Variants in ZBTB46 observed in about 807,000 individuals in gnomAD.
ZBTB46 encodes the protein zinc finger and BTB domain-containing protein 46.
Under a neutral mutation model 44.1 loss-of-function variants are expected in ZBTB46, and 8 were observed. The observed-to-expected ratio is 0.18, with a 90% CI of 0.11 to 0.33. The LOEUF (loss-of-function observed/expected upper bound fraction) is 0.33. Among genes scored for constraint, ZBTB46 ranks in the 10% least tolerant of loss-of-function variants. ZBTB46 has a pLI of 1.00. For missense variants in ZBTB46, 651 were observed against 847.7 expected, an observed-to-expected ratio of 0.77 and a Z score of 2.88; for synonymous variants, 409 against 382.3, an observed-to-expected ratio of 1.07 and a Z score of -0.81.
chr20:63,776,803 C>CAAAA (rs35399406), intron 2 of ZBTB46, among the ~76,000 whole-genome samples: 1 of 131,866 alleles, frequency 7.6e-6, no homozygotes. Context: ...CGCTCTGTCT[C>CAAAA]AAAAAAAAAA....
intron 1 of ZBTB46, among the ~76,000 whole-genome samples, chr20:63,828,375 A>G (rs1430988330): frequency 1.3e-5 from 2 of 152,262 alleles, no homozygotes; most frequent in African/African-American, 4.8e-5. Flanking sequence ...AGCCCTGAAT[A>G]AGTCTGTGGC....
At chr20:63,810,002 T>C (rs572570002) in intron 1 of ZBTB46, among the ~76,000 whole-genome samples, 1 of 151,236 alleles carries the variant, frequency 6.6e-6, no homozygotes, top group East Asian at 1.9e-4. Context: ...TACATGGAAC[T>C]GGCAAACATT....
intron 1 of ZBTB46, among the ~76,000 whole-genome samples, chr20:63,825,364 G>C (rs1334538770): frequency 1.4e-5 from 2 of 142,316 alleles, no homozygotes; most frequent in Middle Eastern, 3.9e-3. Flanking sequence ...TCTCGTCACT[G>C]CACTCCAGCC....
intron 3 of ZBTB46, among the ~76,000 whole-genome samples, chr20:63,772,111 C>T (rs2092380203): frequency 6.6e-6 from 1 of 151,702 alleles, no homozygotes; most frequent in Admixed American, 6.6e-5. Context: ...TCTCCTGCCT[C>T]AGTCTCCCAA....
chr20:63,774,995 G>A (rs1428250438), intron 3 of ZBTB46, among the ~76,000 whole-genome samples: 2 of 152,126 alleles, frequency 1.3e-5, no homozygotes, highest in African/African-American at 2.4e-5. Context: ...GAGCCACCGC[G>A]CCCGGCCCCT....
intron 1 of ZBTB46, chr20:63,791,042 G>T: frequency 2.4e-6 from 1 of 417,990 alleles, no homozygotes; most frequent in Non-Finnish European, 4.3e-6. Flanking sequence ...AGGCTAATGG[G>T]GTTCTGAACA....
chr20:63,798,350 G>A (rs1206587188), intron 1 of ZBTB46, among the ~76,000 whole-genome samples: 1 of 151,904 alleles, frequency 6.6e-6, no homozygotes, highest in Non-Finnish European at 1.5e-5. Context: ...TGTTCTATTG[G>A]AAACCCGGTC....
intron 1 of ZBTB46, among the ~76,000 whole-genome samples, chr20:63,793,088 G>A (rs944238852): frequency 1.3e-5 from 2 of 152,198 alleles, no homozygotes; most frequent in African/African-American, 4.8e-5. Context: ...TACAGGAAGG[G>A]CCTCAAGCCC....
intron 1 of ZBTB46, among the ~76,000 whole-genome samples, chr20:63,799,784 G>C (rs2092629911): frequency 6.6e-6 from 1 of 152,172 alleles, no homozygotes; most frequent in African/African-American, 2.4e-5. Flanking sequence ...GCTCCCCCAT[G>C]AGAGTGGCCA....
chr20:63,827,711 T>C (rs1228418379), intron 1 of ZBTB46, among the ~76,000 whole-genome samples: 1 of 152,068 alleles, frequency 6.6e-6, no homozygotes, highest in Non-Finnish European at 1.5e-5. Context: ...AAAATAGCTA[T>C]GGTAGCAAAT....
intron 3 of ZBTB46, among the ~76,000 whole-genome samples, chr20:63,765,048 T>C (rs28437260): frequency 1.9e-3 from 13 of 6,980 alleles, no homozygotes; most frequent in Non-Finnish European, 3.6e-3. Flanking sequence ...TGCGTGCGTG[T>C]GTGTGTATGT....
At chr20:63,801,358 G>T (rs1371435173) in intron 1 of ZBTB46, among the ~76,000 whole-genome samples, 1 of 152,144 alleles carries the variant, frequency 6.6e-6, no homozygotes. Context: ...CTAGCTCAAG[G>T]ATTGTCAACG....
chr20:63,750,285 C>T (rs1001849137), intron 4 of ZBTB46, among the ~76,000 whole-genome samples: 15 of 152,196 alleles, frequency 9.9e-5, no homozygotes, highest in African/African-American at 3.6e-4. Context: ...CACTCTGTTG[C>T]CCAGGCTGGA....
At chr20:63,769,286 G>A in intron 3 of ZBTB46, 1 of 985,408 alleles carries the variant, frequency 1.0e-6, no homozygotes, top group Non-Finnish European at 1.2e-6. Flanking sequence ...CCCTGGGCTG[G>A]GTCTGGCGGT....
At chr20:63,814,254 GAAAA>G (rs892718043) in intron 1 of ZBTB46, among the ~76,000 whole-genome samples, 1 of 149,144 alleles carries the variant, frequency 6.7e-6, no homozygotes, top group Non-Finnish European at 1.5e-5. Flanking sequence ...AAAAAGAAAA[GAAAA>G]AAAGAAAGGA....
chr20:63,760,505 G>A (rs1392515260), intron 3 of ZBTB46, among the ~76,000 whole-genome samples: 1 of 150,140 alleles, frequency 6.7e-6, no homozygotes, highest in Non-Finnish European at 1.5e-5. Flanking sequence ...TCACTCTGTT[G>A]CCCAGGCTGG....
chr20:63,747,508 G>GCCAGGGGGTGA, intron 4 of ZBTB46, among the ~76,000 whole-genome samples: 1 of 89,426 alleles, frequency 1.1e-5, no homozygotes, highest in East Asian at 4.1e-4. Context: ...TTGGGAGGGG[G>GCCAGGGGGTGA]GCCAGGGGGT....
rs139399298 is a variant in ZBTB46 at position 63,813,553 on chromosome 20, C to T, written c.-34+17544G>A. On this transcript the variant is annotated intron_variant, in intron 1 of 4. Transcript: ENST00000245663. Reference sequence around the variant, plus strand: ...ACTGCTCCCCTGCCACTGCCCTGCGCGGGCGAGTCCCAGCCCTCCCGCCTC... The same window carrying T: ...ACTGCTCCCCTGCCACTGCCCTGCGTGGGCGAGTCCCAGCCCTCCCGCCTC... 5.7e-4 allele frequency among the ~76,000 whole-genome samples: 87 copies of T among 152,328 alleles called. No individual in the cohort carries two copies. The East Asian group carries it at 0.014, about 25-fold the overall frequency.
intron 3 of ZBTB46, 112 bp downstream of exon 3, chr20:63,775,566 G>T: frequency 7.1e-7 from 1 of 1,399,366 alleles, no homozygotes; most frequent in Non-Finnish European, 9.5e-7. Flanking sequence ...GTCAGCAGGC[G>T]GCCGAGCAGC....
Sources: allele counts gnomAD v4.1 joint callset (sites outside exome capture counted in the v4.1 genomes callset), GRCh38; gene constraint gnomAD v4.1.1; transcripts MANE v1.5; gene names NCBI Gene and HGNC (gene_info 2026-07-23, HGNC 2026-07-21).